AP3S1: variants seen among roughly 807,000 people sequenced by gnomAD.
AP3S1 encodes AP-3 complex subunit sigma-1.
In AP3S1, 12 loss-of-function variants were observed where a neutral mutation model predicts 21.3. The ratio of observed to expected loss-of-function variants is 0.56; its 90% confidence interval spans 0.36 to 0.91. AP3S1 has a LOEUF of 0.91. Ranked by LOEUF, AP3S1 falls within the 40% of genes least tolerant of loss-of-function variation. AP3S1 has a pLI of 0.01. For missense variants in AP3S1, 116 were observed against 225.0 expected (o/e 0.52, Z 3.10); for synonymous variants, 48 against 78.4 (o/e 0.61, Z 2.05).
At chr5:115,904,229 G>T (rs187264750) in intron 5 of AP3S1, 1 of 152,146 alleles carries the variant, frequency 6.6e-6, no homozygotes, top group African/African-American at 2.4e-5. Flanking sequence ...CAGATGTTTC[G>T]TTGATTTAAA....
Position 115,841,963 on chromosome 5 carries a change from G to T in AP3S1, c.-75G>T. On this transcript the variant is annotated 5_prime_UTR_variant, in exon 1 of 6. Transcript: ENST00000316788. ...GGGCGGGTGGGGAAGGATCGCAGGCGAGATTACGAGGCGAGGCTCGCGCGC... is the reference window on the plus strand; with the variant it reads ...GGGCGGGTGGGGAAGGATCGCAGGCTAGATTACGAGGCGAGGCTCGCGCGC... The T allele has an allele frequency of 1.3e-6, 2 of 1,505,140 alleles. No homozygotes were observed. The highest frequency in any genetic ancestry group is 1.8e-6 in the Non-Finnish European group (2 of 1,122,642). The allele number at this position is 1,505,140 out of a possible 1,614,324, so 93.2% of individuals were successfully genotyped here.
At chr5:115,872,304 T>C (rs1748334937) in intron 3 of AP3S1, among the ~76,000 whole-genome samples, 1 of 151,900 alleles carries the variant, frequency 6.6e-6, no homozygotes, top group Non-Finnish European at 1.5e-5. Flanking sequence ...AATAAAAACA[T>C]TGTTAATAAA....
chr5:115,865,030 A>G (rs773733093), intron 1 of AP3S1, among the ~76,000 whole-genome samples: 2 of 152,116 alleles, frequency 1.3e-5, no homozygotes, highest in Non-Finnish European at 2.9e-5. Flanking sequence ...ATGAAAAAGC[A>G]AAACGGCAGA....
chr5:115,892,071 A>G (rs1750355225), intron 3 of AP3S1, among the ~76,000 whole-genome samples: 1 of 152,228 alleles, frequency 6.6e-6, no homozygotes, highest in African/African-American at 2.4e-5. Context: ...GGTGTTCAAC[A>G]TCATTGATCA....
chr5:115,863,641 G>A (rs1763371645), intron 1 of AP3S1, among the ~76,000 whole-genome samples: 1 of 152,140 alleles, frequency 6.6e-6, no homozygotes, highest in Non-Finnish European at 1.5e-5. Flanking sequence ...AGAAAACTTT[G>A]CACCTTTTGC....
intron 3 of AP3S1, among the ~76,000 whole-genome samples, chr5:115,881,885 A>G (rs565737658): frequency 6.6e-6 from 1 of 151,738 alleles, no homozygotes. Flanking sequence ...TTTCTTGGAG[A>G]CATTGTTTGT....
intron 1 of AP3S1, among the ~76,000 whole-genome samples, chr5:115,862,130 A>G (rs1036925561): frequency 6.6e-5 from 10 of 151,978 alleles, no homozygotes; most frequent in African/African-American, 2.4e-4. Context: ...AACTTTTCTT[A>G]TTACAAACAG....
At chr5:115,850,292 C>CCTG (rs139517136) in intron 1 of AP3S1, among the ~76,000 whole-genome samples, 2,914 of 152,238 alleles carry the variant, frequency 0.019, 61 homozygotes, top group African/African-American at 0.056. Context: ...GCATACATAT[C>CCTG]CTATTTCCTG....
intron 1 of AP3S1, among the ~76,000 whole-genome samples, chr5:115,865,361 T>C (rs375126951): frequency 8.5e-5 from 13 of 152,222 alleles, no homozygotes; most frequent in Non-Finnish European, 1.8e-4. Context: ...TGAAAACTTA[T>C]GCATAGATTT....
intron 1 of AP3S1, among the ~76,000 whole-genome samples, chr5:115,857,048 T>C (rs1161685339): frequency 6.6e-6 from 1 of 152,176 alleles, no homozygotes; most frequent in East Asian, 1.9e-4. Context: ...CTAAGAAGAT[T>C]CCAAGTGGCA....
At chr5:115,888,400 A>T (rs1008848598) in intron 3 of AP3S1, among the ~76,000 whole-genome samples, 1 of 152,072 alleles carries the variant, frequency 6.6e-6, no homozygotes, top group African/African-American at 2.4e-5. Flanking sequence ...TTGTGCATGT[A>T]ACAGATCATC....
intron 1 of AP3S1, among the ~76,000 whole-genome samples, chr5:115,851,742 A>G (rs1762451058): frequency 6.6e-6 from 1 of 152,050 alleles, no homozygotes; most frequent in Non-Finnish European, 1.5e-5. Flanking sequence ...ATGATTTGCA[A>G]ATATTTTCTC....
chr5:115,865,314 A>G (rs1763527492), intron 1 of AP3S1, among the ~76,000 whole-genome samples: 1 of 152,198 alleles, frequency 6.6e-6, no homozygotes, highest in South Asian at 2.1e-4. Flanking sequence ...AGAATTGTTA[A>G]GAGAAAAAGT....
intron 4 of AP3S1, 110 bp from the exon 5 acceptor site, chr5:115,902,775 C>A: frequency 1.4e-6 from 1 of 703,324 alleles, no homozygotes; most frequent in Non-Finnish European, 2.2e-6. Flanking sequence ...GTTGTTTTTA[C>A]CACTCATACT....
rs373888484 is a variant in AP3S1 at position 115,887,673 on chromosome 5, A to G, written c.274-7414A>G. On this transcript the variant is annotated intron_variant, in intron 3 of 5. Transcript: ENST00000316788. ...TTAATCACTAAAACAACTCTATGAT[A>G]TAGTTACCATTATTATGCCCAGATA... Among the ~76,000 whole-genome samples the G allele has an allele frequency of 4.7e-4, 72 of 152,276 alleles. 2 individuals are homozygous for G. The East Asian group carries it at 8.1e-3, about 17-fold the overall frequency.
In AP3S1 at chr5:115,841,955, T is replaced by A; in HGVS notation, c.-83T>A. On this transcript the variant is annotated 5_prime_UTR_variant, in exon 1 of 6. Transcript: ENST00000316788. Reference sequence around the variant, plus strand: ...GCGGGAGGGGGCGGGTGGGGAAGGATCGCAGGCGAGATTACGAGGCGAGGC... The same window carrying A: ...GCGGGAGGGGGCGGGTGGGGAAGGAACGCAGGCGAGATTACGAGGCGAGGC... The A allele has an allele frequency of 6.5e-7, 1 of 1,530,956 alleles. No homozygotes were observed. The highest frequency in any genetic ancestry group is 8.8e-7 in the Non-Finnish European group (1 of 1,137,444). 94.8% of individuals were successfully genotyped at this position (1,530,956 alleles called of 1,614,324 possible).
chr5:115,843,435 C>G (rs558127816), intron 1 of AP3S1, among the ~76,000 whole-genome samples: 1 of 152,128 alleles, frequency 6.6e-6, no homozygotes, highest in African/African-American at 2.4e-5. Flanking sequence ...TTTTCTGCTA[C>G]TCGTGTGTGG....
At chr5:115,847,751 T>A (rs547550532) in intron 1 of AP3S1, among the ~76,000 whole-genome samples, 75 of 152,258 alleles carry the variant, frequency 4.9e-4, no homozygotes, top group Non-Finnish European at 1.1e-3. Flanking sequence ...CTAACATGTC[T>A]ATCACCACTA....
intron 5 of AP3S1, chr5:115,903,285 T>A (rs1385157963): frequency 5.5e-6 from 1 of 181,338 alleles, no homozygotes; most frequent in Non-Finnish European, 1.1e-5. Context: ...GAATCTAATA[T>A]TTGCTTTGTA....
Sources: gnomAD v4.1 joint callset for allele counts (sites outside exome capture counted in the v4.1 genomes callset) on GRCh38, gnomAD v4.1.1 for gene constraint, MANE v1.5 for transcripts, NCBI Gene and HGNC (gene_info 2026-07-23, HGNC 2026-07-21) for gene names.